Variants in AQP9 observed in about 807,000 individuals in gnomAD.
AQP9 encodes aquaporin-9.
A neutral mutation model predicts 23.8 loss-of-function variants in AQP9; 19 were observed. The ratio of observed to expected loss-of-function variants is 0.80; its 90% CI spans 0.56 to 1.17. The LOEUF (loss-of-function observed/expected upper bound fraction) is 1.17, where lower values mean the gene tolerates loss of function less well. AQP9 is among the 50% of genes most tolerant of loss of function. The pLI, the probability that AQP9 is intolerant of heterozygous loss-of-function variation, is 0.00. For missense variants in AQP9, 413 were observed against 362.0 expected, an observed-to-expected ratio of 1.14 and a Z score of -1.14; for synonymous variants, 153 against 131.5, an observed-to-expected ratio of 1.16 and a Z score of -1.12.
chr15:58,179,738 G>A (rs907744421), intron 5 of AQP9, among the ~76,000 whole-genome samples: 9 of 152,102 alleles, frequency 5.9e-5, no homozygotes, highest in Non-Finnish European at 1.0e-4. Context: ...GCTCTTCCTC[G>A]TGAACCACGC....
intron 1 of AQP9, among the ~76,000 whole-genome samples, chr15:58,163,346 G>C (rs1180215516): frequency 1.3e-5 from 2 of 152,228 alleles, no homozygotes; most frequent in African/African-American, 4.8e-5. Flanking sequence ...TAGGCCTGCA[G>C]AGGAGGAGTG....
intron 1 of AQP9, among the ~76,000 whole-genome samples, chr15:58,149,022 A>G (rs1898100073): frequency 6.6e-6 from 1 of 152,188 alleles, no homozygotes. Flanking sequence ...TAGCCAGAAG[A>G]TCCAGGTTTC....
chr15:58,144,935 A>T (rs972851024), intron 1 of AQP9, among the ~76,000 whole-genome samples: 2 of 148,430 alleles, frequency 1.3e-5, no homozygotes, highest in Non-Finnish European at 3.0e-5. Context: ...AATCGCTTCA[A>T]CCCGGAAGGT....
At position 58,141,117 on chromosome 15, in the gene AQP9, G is replaced by A. The variant is rs374574460; in HGVS notation, c.111+2441G>A. On this transcript the variant is annotated intron_variant, in intron 1 of 5. Transcript: ENST00000219919. Reference sequence around the variant, plus strand: ...GTAGGCCTTTCACCTTTACTAGTGTGGGGGGAAAGTTTGCAATGCAAAAGG... The same window carrying A: ...GTAGGCCTTTCACCTTTACTAGTGTAGGGGGAAAGTTTGCAATGCAAAAGG... Among the ~76,000 whole-genome samples the A allele has an allele frequency of 1.1e-4, 16 of 152,282 alleles. No individual in the cohort carries two copies. The South Asian group carries it at 2.7e-3, about 26-fold the overall frequency.
chr15:58,141,091 C>T (rs2414535), intron 1 of AQP9, among the ~76,000 whole-genome samples: 4 of 152,020 alleles, frequency 2.6e-5, no homozygotes, highest in South Asian at 2.1e-4. Flanking sequence ...CATTGGGATA[C>T]GTAGGCCTTT....
chr15:58,178,417 G>GA (rs1427784016), intron 4 of AQP9, among the ~76,000 whole-genome samples: 2 of 152,074 alleles, frequency 1.3e-5, no homozygotes, highest in Non-Finnish European at 2.9e-5. Flanking sequence ...ATTTTAAAAT[G>GA]ATTTTTCCAC....
chr15:58,173,879 C>G (rs1361786871), intron 3 of AQP9, among the ~76,000 whole-genome samples: 1 of 152,174 alleles, frequency 6.6e-6, no homozygotes, highest in Admixed American at 6.5e-5. Flanking sequence ...ATGAAATCAA[C>G]TGTTAAAGCA....
At chr15:58,145,962 T>A (rs981698231) in intron 1 of AQP9, among the ~76,000 whole-genome samples, 1 of 152,244 alleles carries the variant, frequency 6.6e-6, no homozygotes, top group Non-Finnish European at 1.5e-5. Context: ...ATTTTTCCAA[T>A]GCCTCTGTTA....
At chr15:58,171,000 C>G (rs942059755) in intron 2 of AQP9, among the ~76,000 whole-genome samples, 2 of 151,970 alleles carry the variant, frequency 1.3e-5, no homozygotes, top group African/African-American at 4.8e-5. Flanking sequence ...TCTCTGCTCA[C>G]TGCAACTTCT....
intron 2 of AQP9, among the ~76,000 whole-genome samples, chr15:58,171,736 A>C (rs1898626985): frequency 6.6e-6 from 1 of 152,208 alleles, no homozygotes; most frequent in Admixed American, 6.5e-5. Flanking sequence ...CACCCACTGC[A>C]AGTCCATTTT....
intron 1 of AQP9, among the ~76,000 whole-genome samples, chr15:58,158,610 A>G (rs1898311535): frequency 6.6e-6 from 1 of 152,166 alleles, no homozygotes. Flanking sequence ...TCAAGATGGT[A>G]AATTTTTTGT....
chr15:58,164,340 CTCT>C (rs1157278985), intron 1 of AQP9, among the ~76,000 whole-genome samples: 1 of 152,184 alleles, frequency 6.6e-6, no homozygotes, highest in Non-Finnish European at 1.5e-5. Context: ...TCTTTTGCGT[CTCT>C]TCTTAGCCCT....
chr15:58,180,791 A>C (rs566951740), intron 5 of AQP9, among the ~76,000 whole-genome samples: 1 of 152,350 alleles, frequency 6.6e-6, no homozygotes, highest in East Asian at 1.9e-4. Context: ...TACAATGCAC[A>C]CGGCACACCT....
At chr15:58,160,938 C>T (rs893930928) in intron 1 of AQP9, among the ~76,000 whole-genome samples, 2 of 152,108 alleles carry the variant, frequency 1.3e-5, no homozygotes, top group South Asian at 4.1e-4. Flanking sequence ...TCAAAGGGCT[C>T]CAAGTGACTA....
intron 5 of AQP9, among the ~76,000 whole-genome samples, chr15:58,183,258 T>C (rs1273915195): frequency 6.6e-6 from 1 of 152,220 alleles, no homozygotes; most frequent in African/African-American, 2.4e-5. Flanking sequence ...TGATCCTTTC[T>C]AAGAAATTAT....
At chr15:58,183,523 A>T (rs1381125646) in intron 5 of AQP9, among the ~76,000 whole-genome samples, 1 of 152,174 alleles carries the variant, frequency 6.6e-6, no homozygotes, top group African/African-American at 2.4e-5. Context: ...TCATTGAAAA[A>T]CATTTCCTGA....
At chr15:58,167,594 C>G (rs1898536771) in intron 2 of AQP9, among the ~76,000 whole-genome samples, 1 of 152,174 alleles carries the variant, frequency 6.6e-6, no homozygotes, top group African/African-American at 2.4e-5. Flanking sequence ...GAAATCCCTC[C>G]TGAGAGGGAG....
At chr15:58,163,661 G>C (rs559566065) in intron 1 of AQP9, among the ~76,000 whole-genome samples, 1 of 152,230 alleles carries the variant, frequency 6.6e-6, no homozygotes, top group East Asian at 1.9e-4. Flanking sequence ...AGATAGGGTG[G>C]ATATGATAAC....
intron 1 of AQP9, among the ~76,000 whole-genome samples, chr15:58,162,202 T>G (rs1366468693): frequency 6.6e-6 from 1 of 152,192 alleles, no homozygotes; most frequent in Non-Finnish European, 1.5e-5. Context: ...AGAGGGACAC[T>G]GACAACGTAG....
Sources: gnomAD v4.1 joint callset for allele counts (sites outside exome capture counted in the v4.1 genomes callset) on GRCh38, gnomAD v4.1.1 for gene constraint, MANE v1.5 for transcripts, NCBI Gene and HGNC (gene_info 2026-07-23, HGNC 2026-07-21) for gene names.